Variants in LONP2 observed in about 807,000 individuals in gnomAD.
LONP2 encodes lon protease homolog 2, peroxisomal.
A neutral mutation model predicts 85.6 loss-of-function variants in LONP2; 60 were observed. That is an observed-to-expected ratio of 0.70 (90% CI 0.57 to 0.87). LONP2 has a LOEUF of 0.87. LONP2 is among the 40% of genes least tolerant of loss of function. LONP2 has a pLI of 0.00. For synonymous variants in LONP2, 395 were observed against 389.7 expected, an observed-to-expected ratio of 1.01 and a Z score of -0.16; for missense variants, 860 against 1,063.5, an observed-to-expected ratio of 0.81 and a Z score of 2.66.
chr16:48,301,501 G>A (rs1242229216), intron 10 of LONP2, among the ~76,000 whole-genome samples: 1 of 152,172 alleles, frequency 6.6e-6, no homozygotes, highest in East Asian at 1.9e-4. Context: ...CGGGCGTGGT[G>A]GTGTGTGCCT....
At chr16:48,350,933 A>C (rs1960122557) in intron 14 of LONP2, among the ~76,000 whole-genome samples, 1 of 152,154 alleles carries the variant, frequency 6.6e-6, no homozygotes, top group South Asian at 2.1e-4. Flanking sequence ...GGCCACCTCC[A>C]GGGCAGGTGA....
At chr16:48,350,444 G>A (rs1960107629) in intron 14 of LONP2, among the ~76,000 whole-genome samples, 1 of 151,848 alleles carries the variant, frequency 6.6e-6, no homozygotes, top group Non-Finnish European at 1.5e-5. Context: ...ATCTAGTCTT[G>A]TATACATGGC....
intron 11 of LONP2, among the ~76,000 whole-genome samples, chr16:48,312,540 C>T (rs1446825246): frequency 6.6e-6 from 1 of 152,178 alleles, no homozygotes; most frequent in Non-Finnish European, 1.5e-5. Context: ...CATTCAGTGA[C>T]ATAGACACTG....
chr16:48,271,393 A>G (rs780270084), intron 7 of LONP2, among the ~76,000 whole-genome samples: 1 of 152,224 alleles, frequency 6.6e-6, no homozygotes, highest in Non-Finnish European at 1.5e-5. Flanking sequence ...GTTAAAGAAC[A>G]TGTTTAAATG....
In LONP2 at chr16:48,347,574, T is replaced by C. The variant is rs756722412; in HGVS notation, c.2006T>C (p.Ile669Thr). The change falls in exon 13 of 15, where the codon ATC (isoleucine) becomes ACC (threonine). Residue 669 changes from isoleucine to threonine, a missense_variant. Ile to Thr is a moderately conservative substitution (Grantham distance 89). This residue lies in a region of LONP2 where 743 missense variants were observed against 917.3 expected (regional missense o/e 0.81). Coordinates refer to ENST00000285737, the MANE Select transcript of LONP2 (RefSeq NM_031490.5). ...GCTTGGACTCCCTTAGGTGGAGAAA[T>C]CATGTTCGTGGAGGCGAGTCGAATG... ...GLAWTPLGGE[I>T]MFVEASRMDG... The C allele has an allele frequency of 1.2e-6, 2 of 1,613,830 alleles. No individual in the cohort carries two copies. The highest frequency in any genetic ancestry group is 4.5e-5 in the East Asian group (2 of 44,884).
intron 11 of LONP2, among the ~76,000 whole-genome samples, chr16:48,319,205 C>A (rs1303789867): frequency 2.6e-5 from 4 of 151,994 alleles, no homozygotes; most frequent in African/African-American, 4.8e-5. Flanking sequence ...CACAGTGAAA[C>A]CCTGTCTCTA....
chr16:48,287,208 C>T (rs1015147036), intron 8 of LONP2, among the ~76,000 whole-genome samples: 2 of 152,238 alleles, frequency 1.3e-5, no homozygotes, highest in African/African-American at 4.8e-5. Context: ...GCCTTCACTT[C>T]CTGCTTTTGC....
intron 12 of LONP2, chr16:48,336,473 A>C (rs1341739544): frequency 4.4e-6 from 2 of 455,832 alleles, no homozygotes; most frequent in Middle Eastern, 3.5e-4. Flanking sequence ...TGTGAGCAAC[A>C]AGGCTGTTAT....
Position 48,258,569 on chromosome 16 carries a change from A to T in LONP2, c.601-49A>T, listed in dbSNP as rs1363750516. The T allele has an allele frequency of 2.6e-6, 4 of 1,534,450 alleles. No homozygotes were observed. In the African/African-American group the frequency reaches 4.2e-5, roughly 16 times the overall value. On this transcript the variant is annotated intron_variant, in intron 3 of 14. Coordinates refer to ENST00000285737, the MANE Select transcript of LONP2 (RefSeq NM_031490.5). ...CATGGCTCTGACTGTCTGTTTTTGG[A>T]TTGTGTGTTTCTGAGAGAGATCCTA... is the stretch of plus-strand genomic sequence containing the variant.
At chr16:48,273,054 G>T (rs373979346) in intron 7 of LONP2, among the ~76,000 whole-genome samples, 2 of 152,134 alleles carry the variant, frequency 1.3e-5, no homozygotes, top group African/African-American at 2.4e-5. Flanking sequence ...AGGTCTTGAC[G>T]TTTGAGTACC....
At chr16:48,348,487 CTTTTTTTTTTTT>C (rs34729067) in intron 14 of LONP2, among the ~76,000 whole-genome samples, 197 bp downstream of exon 14, 1 of 112,818 alleles carries the variant, frequency 8.9e-6, no homozygotes, top group Non-Finnish European at 1.7e-5. Flanking sequence ...TCACATTTTC[CTTTTTTTTTTTT>C]TTTTTTTTTT....
intron 3 of LONP2, among the ~76,000 whole-genome samples, chr16:48,257,392 C>T (rs1971782627): frequency 6.6e-6 from 1 of 151,988 alleles, no homozygotes; most frequent in Non-Finnish European, 1.5e-5. Context: ...GAGCCATGGC[C>T]CTTCCCTTAT....
intron 8 of LONP2, among the ~76,000 whole-genome samples, chr16:48,277,883 C>T (rs542594354): frequency 7.1e-4 from 108 of 151,562 alleles, no homozygotes; most frequent in Non-Finnish European, 1.3e-3. Flanking sequence ...GGCTATCTTG[C>T]ACTTCCTGAT....
Position 48,252,199 on chromosome 16 carries a change from T to C in LONP2, c.302T>C (p.Leu101Ser). The C allele has an allele frequency of 1.2e-5, 19 of 1,613,924 alleles. No homozygotes were observed. The highest frequency in any genetic ancestry group is 1.6e-5 in the Non-Finnish European group (19 of 1,179,838). ...TGGCCCAAGCCCCACTACACTCTGTTGATTACAGGCCTATGCCGTTTCCAG... is the reference window on the plus strand; with the variant it reads ...TGGCCCAAGCCCCACTACACTCTGTCGATTACAGGCCTATGCCGTTTCCAG... Reference protein sequence around the residue: ...SNWPKPHYTLLITGLCRFQIV... With the variant: ...SNWPKPHYTLSITGLCRFQIV... Residue 101 changes from leucine to serine, a missense_variant, in exon 2 of 15, where the codon TTG becomes TCG. Leu to Ser is a moderately radical substitution (Grantham distance 145). Around this residue, in one of 3 missense-constraint regions of LONP2, gnomAD observed 743 missense variants for 917.3 expected, o/e 0.81. Transcript: ENST00000285737.
At chr16:48,317,942 G>A (rs1973179643) in intron 11 of LONP2, among the ~76,000 whole-genome samples, 1 of 152,150 alleles carries the variant, frequency 6.6e-6, no homozygotes, top group African/African-American at 2.4e-5. Flanking sequence ...TTTATCTGCT[G>A]TATTTGCCTT....
At chr16:48,254,891 T>C (rs545006216) in intron 2 of LONP2, among the ~76,000 whole-genome samples, 2 of 152,304 alleles carry the variant, frequency 1.3e-5, no homozygotes, top group South Asian at 2.1e-4. Flanking sequence ...TTTAACTGTT[T>C]TATTTTCGTG....
chr16:48,362,424 C>T lies in LONP2; in HGVS notation c.*561C>T. 1.9e-6 allele frequency: 3 copies of T among 1,613,940 alleles called. No homozygotes were observed. The highest frequency in any genetic ancestry group is 2.2e-5 in the South Asian group (2 of 91,030). On this transcript the variant is annotated 3_prime_UTR_variant, in exon 5 of 5. Transcript: ENST00000565867. This position sits in a 1 kb window ranked among gnomAD's most constrained non-coding sequence, Gnocchi z 4.2. ...AGGTAATGCTGTAGCAGTCTGACGG[C>T]TCATTTCTGAAATAAATACATAAGG...
At chr16:48,331,395 A>G (rs1330412247) in intron 11 of LONP2, among the ~76,000 whole-genome samples, 1 of 152,180 alleles carries the variant, frequency 6.6e-6, no homozygotes, top group Non-Finnish European at 1.5e-5. Flanking sequence ...AAGCAAATGA[A>G]TGCTATAAAA....
Position 48,318,082 on chromosome 16 carries a change from T to TA in LONP2, c.1795+14789dup, listed in dbSNP as rs551455489. 1.4e-3 allele frequency among the ~76,000 whole-genome samples: 203 copies of TA among 145,568 alleles called. 1 individual carries two copies. Among genetic ancestry groups the TA allele is most frequent in the East Asian group, 0.013 (68 of 5,042 alleles). On this transcript the variant is annotated intron_variant, in intron 11 of 14. Coordinates refer to ENST00000285737, the MANE Select transcript of LONP2 (RefSeq NM_031490.5). ...TTTTTCAGATTTGGAGAAGAATAGT[T>TA]AAAAAAAAAAAATGCAGAAAGGATC... is the stretch of plus-strand genomic sequence containing the variant.
Sources: allele counts gnomAD v4.1 joint callset (sites outside exome capture counted in the v4.1 genomes callset), GRCh38; gene constraint gnomAD v4.1.1; regional missense constraint gnomAD v4.1.1; non-coding constraint Gnocchi (gnomAD v3.1); transcripts MANE v1.5; gene names NCBI Gene and HGNC (gene_info 2026-07-23, HGNC 2026-07-21).